HIPK3: variants seen among roughly 807,000 people sequenced by gnomAD.
The protein encoded by HIPK3 is homeodomain-interacting protein kinase 3.
HIPK3 carries 47 observed loss-of-function variants against 124.2 expected under a neutral mutation model. The observed-to-expected ratio is 0.38, with a 90% CI of 0.30 to 0.48. HIPK3 has a LOEUF of 0.48. HIPK3 is among the 20% of genes least tolerant of loss of function. HIPK3 has a pLI of 0.98. For synonymous variants in HIPK3, 482 were observed against 515.2 expected (o/e 0.94, Z 0.87); for missense variants, 1,286 against 1,454.3 (o/e 0.88, Z 1.88).
intron 2 of HIPK3, among the ~76,000 whole-genome samples, chr11:33,327,618 T>A (rs1852850938): frequency 6.6e-6 from 1 of 152,212 alleles, no homozygotes. Context: ...AGAATATTCT[T>A]CTTTGTAGGA....
intron 1 of HIPK3, among the ~76,000 whole-genome samples, chr11:33,263,388 T>C (rs990647014): frequency 2.0e-5 from 3 of 152,180 alleles, no homozygotes; most frequent in Non-Finnish European, 4.4e-5. Flanking sequence ...CGATCTTGGC[T>C]CACTACAACC....
At chr11:33,289,364 G>C (rs988689503) in intron 2 of HIPK3, among the ~76,000 whole-genome samples, 2 of 152,072 alleles carry the variant, frequency 1.3e-5, no homozygotes, top group African/African-American at 4.8e-5. Context: ...AGGATCCCTT[G>C]AGCCCAGGTG....
chr11:33,291,715 A>G (rs1235998014), intron 2 of HIPK3, among the ~76,000 whole-genome samples: 2 of 152,180 alleles, frequency 1.3e-5, no homozygotes, highest in South Asian at 2.1e-4. Context: ...CATTTAGGTC[A>G]TGAATTTCTT....
At chr11:33,258,466 C>A in intron 1 of HIPK3, 1 of 985,346 alleles carries the variant, frequency 1.0e-6, no homozygotes, top group Non-Finnish European at 1.2e-6. Flanking sequence ...TGGGGACGTG[C>A]GTGCGTGTGT....
rs1565067349 is a variant in HIPK3, at chr11:33,291,665, T to C, written c.1097+4154T>C. Among the ~76,000 whole-genome samples the C allele has an allele frequency of 2.0e-5, 3 of 152,236 alleles. No homozygotes were observed. In the South Asian group the frequency reaches 6.2e-4, roughly 31 times the overall value. On this transcript the variant is annotated intron_variant, in intron 2 of 16. Transcript: ENST00000303296. ...GGGCTCTTAAACGTGTAAAAGGCTT[T>C]AGCGGCAGAAGGTGCTGTATTTATG... is the stretch of plus-strand genomic sequence containing the variant.
rs570414498 is a variant in HIPK3 at position 33,260,866 on chromosome 11, A to G, written c.-3+2977A>G. Among the ~76,000 whole-genome samples, 15 of 152,166 alleles carry G rather than the reference A, an allele frequency of 9.9e-5. No individual in the cohort carries two copies. In the South Asian group the frequency reaches 3.1e-3, roughly 31 times the overall value. The stretch of plus-strand genomic sequence containing the variant: ...GTGTTGTAGCTGTCCTGGTTTTCTG[A>G]TGTCCAAAGTTGAGACTCCCAATGT... On this transcript the variant is annotated intron_variant, in intron 1 of 16. Transcript: ENST00000303296.
chr11:33,258,817 C>G, intron 1 of HIPK3: 1 of 789,498 alleles, frequency 1.3e-6, no homozygotes, highest in Non-Finnish European at 1.5e-6. Context: ...AGGCCTTGAA[C>G]CGTGTTTTCA....
chr11:33,328,604 C>T lies in HIPK3; in HGVS notation c.1192C>T (p.Leu398Phe), dbSNP rs1403236324. The T allele has an allele frequency of 1.2e-6, 2 of 1,613,594 alleles. No homozygotes were observed. Among genetic ancestry groups the T allele is most frequent in the Non-Finnish European group, 1.7e-6 (2 of 1,179,610 alleles). The change falls in exon 3 of 17, where the codon CTC (leucine) becomes TTC (phenylalanine). Residue 398 changes from leucine to phenylalanine, a missense_variant. Physicochemically the swap from Leu to Phe is conservative, Grantham distance 22 (BLOSUM62 0). Transcript: ENST00000303296. ...VIAELFLGWP[L>F]YPGALEYDQI... ...TGCAGAATTATTTCTTGGATGGCCG[C>T]TCTACCCAGGAGCCTTGGAGTATGA... is the stretch of plus-strand genomic sequence containing the variant.
At chr11:33,351,356 A>C (rs1853651537) in intron 14 of HIPK3, among the ~76,000 whole-genome samples, 2 of 152,190 alleles carry the variant, frequency 1.3e-5, no homozygotes, top group Admixed American at 1.3e-4. Context: ...TGGGAAGGGA[A>C]AGAAGAAAAA....
At chr11:33,268,379 G>A (rs1053346427) in intron 1 of HIPK3, among the ~76,000 whole-genome samples, 3 of 151,968 alleles carry the variant, frequency 2.0e-5, no homozygotes, top group East Asian at 3.9e-4. Flanking sequence ...AGGATTGCTT[G>A]AAGCCAGGAG....
intron 1 of HIPK3, chr11:33,258,228 T>G: frequency 3.0e-6 from 2 of 672,270 alleles, no homozygotes; most frequent in Non-Finnish European, 3.7e-6. Flanking sequence ...CTGCCAAGGT[T>G]GCGCAACGGC....
chr11:33,262,497 G>A (rs1404756092), intron 1 of HIPK3, among the ~76,000 whole-genome samples: 19 of 152,222 alleles, frequency 1.2e-4, no homozygotes, highest in Non-Finnish European at 1.0e-4. Context: ...CCACTGTTAT[G>A]CCAGGGACCT....
intron 3 of HIPK3, among the ~76,000 whole-genome samples, chr11:33,331,216 A>G (rs779368244): frequency 5.3e-5 from 8 of 152,038 alleles, no homozygotes; most frequent in Non-Finnish European, 8.8e-5. Context: ...TAGTCTGTTT[A>G]TTAATGTGTT....
intron 1 of HIPK3, among the ~76,000 whole-genome samples, chr11:33,281,836 T>C (rs1010993511): frequency 6.6e-6 from 1 of 152,196 alleles, no homozygotes; most frequent in African/African-American, 2.4e-5. Flanking sequence ...AAGGTCTGTT[T>C]AGTACCTTTT....
At chr11:33,347,239 A>C (rs1484605402) in intron 8 of HIPK3, 54 bp from the exon 9 acceptor site, 4 of 1,503,496 alleles carry the variant, frequency 2.7e-6, no homozygotes, top group African/African-American at 2.8e-5. Context: ...TAATTGTATA[A>C]GTTAAATAAG....
intron 1 of HIPK3, among the ~76,000 whole-genome samples, chr11:33,273,512 CAAAAAAAAAAAAAA>C (rs398015727): frequency 2.1e-5 from 1 of 48,042 alleles, no homozygotes; most frequent in African/African-American, 1.0e-4. Flanking sequence ...TCTGTCTCCA[CAAAAAAAAAAAAAA>C]AAAAAAAAAA....
intron 2 of HIPK3, among the ~76,000 whole-genome samples, chr11:33,319,855 A>G (rs1852613634): frequency 1.3e-5 from 2 of 152,252 alleles, no homozygotes; most frequent in South Asian, 4.1e-4. Context: ...TTATCAGTTA[A>G]TGACAAGTGC....
intron 15 of HIPK3, 80 bp downstream of exon 15, chr11:33,351,923 A>G: frequency 8.2e-7 from 1 of 1,226,240 alleles, no homozygotes; most frequent in Non-Finnish European, 1.2e-6. Context: ...GCAGTTGCCA[A>G]AGTCATCTCT....
intron 3 of HIPK3, among the ~76,000 whole-genome samples, chr11:33,330,107 C>A (rs1852929092): frequency 6.6e-6 from 1 of 152,002 alleles, no homozygotes; most frequent in South Asian, 2.1e-4. Flanking sequence ...TCAAAAGTCA[C>A]AATAGTAATT....
Sources: allele counts gnomAD v4.1 joint callset (sites outside exome capture counted in the v4.1 genomes callset), GRCh38; gene constraint gnomAD v4.1.1; transcripts MANE v1.5; gene names NCBI Gene and HGNC (gene_info 2026-07-23, HGNC 2026-07-21).